CR1L: variants seen among roughly 807,000 people sequenced by gnomAD.
CR1L encodes complement C3b/C4b receptor 1 like.
A neutral mutation model predicts 62.3 loss-of-function variants in CR1L; 59 were observed. That is an observed-to-expected ratio of 0.95 (90% confidence interval 0.77 to 1.18). The LOEUF is 1.18. CR1L is among the 50% of genes most tolerant of loss of function. The pLI, the probability that CR1L is intolerant of heterozygous loss-of-function variation, is 0.00. For synonymous variants in CR1L, 279 were observed against 248.7 expected, an observed-to-expected ratio of 1.12 and a Z score of -1.15; for missense variants, 700 against 702.8, an observed-to-expected ratio of 1.00 and a Z score of 0.04.
chr1:207,662,613 T>C (rs184204890), intron 1 of CR1L, among the ~76,000 whole-genome samples: 1 of 152,154 alleles, frequency 6.6e-6, no homozygotes, highest in East Asian at 1.9e-4. Context: ...TAGCTCAGAG[T>C]AGTTTGATCG....
intron 1 of CR1L, among the ~76,000 whole-genome samples, chr1:207,676,627 T>C (rs1663696433): frequency 6.6e-6 from 1 of 152,164 alleles, no homozygotes; most frequent in Non-Finnish European, 1.5e-5. Flanking sequence ...GGGACCAAAG[T>C]TCTAAAGGAA....
chr1:207,665,464 T>G (rs1663504877), intron 1 of CR1L, among the ~76,000 whole-genome samples: 1 of 151,844 alleles, frequency 6.6e-6, no homozygotes, highest in South Asian at 2.1e-4. Context: ...TGACATGATC[T>G]CGGCTCACTG....
intron 9 of CR1L, among the ~76,000 whole-genome samples, chr1:207,703,537 T>A (rs1039279533): frequency 3.3e-5 from 5 of 152,258 alleles, no homozygotes; most frequent in Admixed American, 6.5e-5. Context: ...GCTCATTGAC[T>A]TTGTATCCAA....
At chr1:207,700,685 CAGT>C (rs1474501655) in intron 8 of CR1L, among the ~76,000 whole-genome samples, 1 of 152,102 alleles carries the variant, frequency 6.6e-6, no homozygotes, top group Non-Finnish European at 1.5e-5. Context: ...AGTAAGTAAT[CAGT>C]GAAAGTTTTC....
chr1:207,681,850 G>T (rs952244171), intron 3 of CR1L, among the ~76,000 whole-genome samples: 3 of 152,154 alleles, frequency 2.0e-5, no homozygotes, highest in African/African-American at 7.2e-5. Flanking sequence ...CTCTATTTGT[G>T]TGCATGTGTG....
intron 3 of CR1L, among the ~76,000 whole-genome samples, chr1:207,683,016 TTC>T (rs1553243559): frequency 2.3e-4 from 33 of 143,674 alleles, no homozygotes; most frequent in South Asian, 4.8e-4. Context: ...TTCTTTTTCT[TTC>T]TTTCTTTCCT....
At chr1:207,681,662 T>G (rs866601229) in intron 3 of CR1L, among the ~76,000 whole-genome samples, 9 of 152,208 alleles carry the variant, frequency 5.9e-5, no homozygotes, top group Non-Finnish European at 4.4e-5. Flanking sequence ...AATGCCAATT[T>G]AAGTTTGAAC....
rs1231232891 is a variant in CR1L, at chr1:207,677,558, C to T, written c.267C>T (p.Asp89=). ...ACTCAGTCTGGACAAGTGCTAAGGACAAGTGCAAACGTAAGTAACTCTGGA... is the reference window on the plus strand; with the variant it reads ...ACTCAGTCTGGACAAGTGCTAAGGATAAGTGCAAACGTAAGTAACTCTGGA... The part of the protein sequence containing the change: ...LKNSVWTSAK[D]KCKRKSCRNP... Residue 89 remains aspartate (D), a synonymous_variant, in exon 2 of 12, where the codon GAC becomes GAT. Transcript: ENST00000508064. 1 of 1,613,602 alleles carries T rather than the reference C, an allele frequency of 6.2e-7. No homozygotes were observed. Among genetic ancestry groups the T allele is most frequent in the Admixed American group, 1.7e-5 (1 of 59,954 alleles).
At position 207,701,492 on chromosome 1, in the gene CR1L, G is replaced by A. The variant is rs760066964; in HGVS notation, c.1229-27G>A. 10 of 1,612,806 alleles carry A rather than the reference G, an allele frequency of 6.2e-6. No homozygotes were observed. In the Admixed American group the frequency reaches 1.0e-4, roughly 16 times the overall value. ...GAAGAGAGTTCAGATTACTCTACCT[G>A]GCTCCAAAACATTTTCTTTCCCACA... On this transcript the variant is annotated intron_variant, in intron 8 of 11. Coordinates refer to ENST00000508064, the MANE Select transcript of CR1L (RefSeq NM_175710.2).
chr1:207,696,240 G>A (rs892964343), intron 5 of CR1L, among the ~76,000 whole-genome samples: 1 of 152,218 alleles, frequency 6.6e-6, no homozygotes, highest in Non-Finnish European at 1.5e-5. Flanking sequence ...TGATATTGCT[G>A]GAGCCAAAGT....
intron 1 of CR1L, among the ~76,000 whole-genome samples, chr1:207,658,285 A>C (rs1221636042): frequency 1.4e-5 from 2 of 139,394 alleles, no homozygotes; most frequent in African/African-American, 5.5e-5. Context: ...AGATAGAGCC[A>C]AAATCAATGA....
intron 10 of CR1L, among the ~76,000 whole-genome samples, chr1:207,713,594 AT>A (rs1332843863): frequency 2.6e-5 from 4 of 152,160 alleles, no homozygotes; most frequent in Admixed American, 6.5e-5. Flanking sequence ...CCGCGACTAC[AT>A]GCTCAGCCTC....
intron 9 of CR1L, among the ~76,000 whole-genome samples, chr1:207,706,657 G>C (rs1664272493): frequency 6.6e-6 from 1 of 152,170 alleles, no homozygotes; most frequent in African/African-American, 2.4e-5. Flanking sequence ...CTAAATTGTA[G>C]AAGATAGCAC....
intron 1 of CR1L, among the ~76,000 whole-genome samples, chr1:207,670,909 A>G (rs912705164): frequency 6.6e-6 from 1 of 151,186 alleles, no homozygotes; most frequent in Non-Finnish European, 1.5e-5. Context: ...AGTAATTTCA[A>G]TTTTAAAATG....
intron 4 of CR1L, among the ~76,000 whole-genome samples, chr1:207,693,161 C>A (rs920015274): frequency 6.6e-6 from 1 of 152,134 alleles, no homozygotes; most frequent in Non-Finnish European, 1.5e-5. Flanking sequence ...TCTTGTTGCA[C>A]AACTGGAGTG....
At chr1:207,660,214 C>A (rs757180884) in intron 1 of CR1L, among the ~76,000 whole-genome samples, 1 of 152,250 alleles carries the variant, frequency 6.6e-6, no homozygotes, top group East Asian at 1.9e-4. Context: ...GGACAGACTG[C>A]CTCCCCAAGT....
chr1:207,707,072 C>T, intron 9 of CR1L, among the ~76,000 whole-genome samples: 1 of 151,988 alleles, frequency 6.6e-6, no homozygotes, highest in East Asian at 1.9e-4. Context: ...TATATATCTA[C>T]AATATACATG....
intron 2 of CR1L, 127 bp from the exon 3 acceptor site, chr1:207,678,071 C>G: frequency 1.2e-6 from 1 of 817,938 alleles, no homozygotes; most frequent in East Asian, 2.6e-5. Context: ...CTCAAGGTAG[C>G]AAAATCTGTG....
intron 8 of CR1L, among the ~76,000 whole-genome samples, chr1:207,699,664 C>A (rs887214945): frequency 6.6e-6 from 1 of 151,906 alleles, no homozygotes; most frequent in Non-Finnish European, 1.5e-5. Context: ...ATTTTGTTCT[C>A]CAATCAATGT....
Sources: gnomAD v4.1 joint callset for allele counts (sites outside exome capture counted in the v4.1 genomes callset) on GRCh38, gnomAD v4.1.1 for gene constraint, MANE v1.5 for transcripts, NCBI Gene and HGNC (gene_info 2026-07-23, HGNC 2026-07-21) for gene names.